NUP85: variants seen among roughly 807,000 people sequenced by gnomAD.
NUP85 encodes the protein nucleoporin 85.
In NUP85, 23 loss-of-function variants were observed where a neutral mutation model predicts 92.8. That is an observed-to-expected ratio of 0.25 (90% confidence interval 0.18 to 0.35). The LOEUF (loss-of-function observed/expected upper bound fraction) is 0.35, where lower values mean the gene tolerates loss of function less well. Among genes scored for constraint, NUP85 ranks in the 10% least tolerant of loss-of-function variants. The pLI, the probability that NUP85 is intolerant of heterozygous loss-of-function variation, is 1.00. For missense variants in NUP85, 759 were observed against 822.8 expected (o/e 0.92, Z 0.95); for synonymous variants, 314 against 306.9 (o/e 1.02, Z -0.24).
At chr17:75,224,405 T>C (rs1383700730) in intron 7 of NUP85, among the ~76,000 whole-genome samples, 1 of 152,162 alleles carries the variant, frequency 6.6e-6, no homozygotes, top group African/African-American at 2.4e-5. Flanking sequence ...TTTTGTTTCT[T>C]GGCCAGGAAT....
chr17:75,234,560 C>T, intron 16 of NUP85, 77 bp from the exon 17 acceptor site: 1 of 1,489,788 alleles, frequency 6.7e-7, no homozygotes, highest in South Asian at 1.2e-5. Flanking sequence ...TGTTTAGGGC[C>T]AGGGTGACTT....
At position 75,210,000 on chromosome 17, in the gene NUP85, GT is replaced by G. The variant is rs1414915420; in HGVS notation, c.290+18del. 6 of 1,589,078 alleles carry G rather than the reference GT, an allele frequency of 3.8e-6. No individual in the cohort carries two copies. The highest frequency in any genetic ancestry group is 1.7e-4 in the Middle Eastern group (1 of 5,994). On this transcript the variant is annotated intron_variant, in intron 3 of 18. Transcript: ENST00000245544. ...AGAAAATCTCAGTAAGTTGGTTGCT[GT>G]TTGGTGTTGAAGCCCACACTACACT...
intron 7 of NUP85, among the ~76,000 whole-genome samples, chr17:75,218,712 C>T (rs778686904): frequency 6.9e-6 from 1 of 144,116 alleles, no homozygotes; most frequent in Non-Finnish European, 1.5e-5. Context: ...TGAGATTAGC[C>T]TGGGCAACAA....
At chr17:75,222,802 G>A (rs933774861) in intron 7 of NUP85, among the ~76,000 whole-genome samples, 2 of 151,954 alleles carry the variant, frequency 1.3e-5, no homozygotes, top group East Asian at 1.9e-4. Flanking sequence ...TTGGGAGGCC[G>A]AGGCGGGCGG....
In NUP85 at chr17:75,235,639, C is replaced by T. The variant is rs1310959072; in HGVS notation, c.1931C>T (p.Ala644Val). ...MLRLSLARNL[A>V]RAIIREGSLE... ...AGACTTTCTCTGGCACGAAATCTTG[C>T]TCGGGCAATTATAAGAGAAGGCTCA... Residue 644 changes from alanine to valine, a missense_variant, in exon 19 of 19, where the codon GCT becomes GTT. Transcript: ENST00000245544. 1.2e-6 allele frequency: 2 copies of T among 1,614,112 alleles called. No homozygotes were observed. Among genetic ancestry groups the T allele is most frequent in the East Asian group, 4.5e-5 (2 of 44,890 alleles).
chr17:75,207,254 G>A (rs111741018), intron 1 of NUP85, among the ~76,000 whole-genome samples: 3,756 of 151,536 alleles, frequency 0.025, 145 homozygotes, highest in African/African-American at 0.086. Flanking sequence ...TGCGGTCTCG[G>A]CTCTCTGCAA....
At chr17:75,228,576 G>T (rs1245749195) in intron 11 of NUP85, 1 of 985,326 alleles carries the variant, frequency 1.0e-6, no homozygotes, top group African/African-American at 1.7e-5. Flanking sequence ...GGGTCTTGTG[G>T]GCACTTGTTT....
intron 16 of NUP85, among the ~76,000 whole-genome samples, chr17:75,233,437 C>CTTTTTTTTTTTTTTTTTTTTTTTTTTTTT (rs60396796): frequency 8.5e-6 from 1 of 117,186 alleles, no homozygotes; most frequent in African/African-American, 3.5e-5. Context: ...TTTATTTTTT[C>CTTTTTTTTTTTTTTTTTTTTTTTTTTTTT]TTTTTTTTTT....
chr17:75,217,256 C>T (rs1424404285), intron 6 of NUP85, among the ~76,000 whole-genome samples: 2 of 151,792 alleles, frequency 1.3e-5, no homozygotes, highest in African/African-American at 4.8e-5. Flanking sequence ...GAGGAAATTT[C>T]GCTATGTTGC....
intron 4 of NUP85, among the ~76,000 whole-genome samples, chr17:75,212,487 TTTTTTTTTTGAGACAAGGTTGCCCAGGC>T (rs1253957198): frequency 6.9e-6 from 1 of 144,120 alleles, no homozygotes; most frequent in Non-Finnish European, 1.5e-5. Flanking sequence ...TTTTTTTTTT[TTTTTTTTTTGAGACAAGGTTGCCCAGGC>T]TGGAGTGCAA....
chr17:75,228,428 C>G, intron 11 of NUP85: 1 of 985,434 alleles, frequency 1.0e-6, no homozygotes, highest in Non-Finnish European at 1.2e-6. Flanking sequence ...GATCACGAGG[C>G]TACCTCCTAT....
chr17:75,232,713 C>T (rs549183933), intron 14 of NUP85, 138 bp from the exon 15 acceptor site: 31 of 770,412 alleles, frequency 4.0e-5, no homozygotes, highest in East Asian at 2.5e-4. Flanking sequence ...CCAGCTCTGC[C>T]GATCCAGCTG....
Position 75,226,038 on chromosome 17 carries a change from C to G in NUP85, c.988-13C>G. On this transcript the variant is annotated splice_polypyrimidine_tract_variant and intron_variant, in intron 10 of 18. Transcript: ENST00000245544. ...CCGTCCTCAGGATTGAGTGTCTCAT[C>G]ACCTTTCCACAGTCCAGCCTGGACC... 6.2e-7 allele frequency: 1 copy of G among 1,613,706 alleles called. No homozygotes were observed. The highest frequency in any genetic ancestry group is 8.5e-7 in the Non-Finnish European group (1 of 1,179,682).
intron 3 of NUP85, among the ~76,000 whole-genome samples, chr17:75,211,395 G>T (rs953191736): frequency 4.7e-5 from 7 of 149,574 alleles, no homozygotes; most frequent in Non-Finnish European, 7.4e-5. Flanking sequence ...CAAAAGTCCT[G>T]TAATTCCTTG....
At chr17:75,232,772 C>A in intron 14 of NUP85, 79 bp from the exon 15 acceptor site, 1 of 1,298,388 alleles carries the variant, frequency 7.7e-7, no homozygotes, top group African/African-American at 1.5e-5. Context: ...GCTGTGAGGC[C>A]ACTCCGGTCC....
Position 75,235,634 on chromosome 17 carries a change from T to C in NUP85, c.1926T>C (p.Asn642=). Residue 642 remains asparagine (N), a synonymous_variant, in exon 19 of 19, where the codon AAT becomes AAC. Coordinates refer to ENST00000245544, the MANE Select transcript of NUP85 (RefSeq NM_024844.5). The stretch of plus-strand genomic sequence containing the variant: ...TGCTGAGACTTTCTCTGGCACGAAA[T>C]CTTGCTCGGGCAATTATAAGAGAAG... ...VEMLRLSLAR[N]LARAIIREGS... is the part of the protein sequence containing the mutation. 1 of 1,614,174 alleles carries C rather than the reference T, an allele frequency of 6.2e-7. No homozygotes were observed. Among genetic ancestry groups the C allele is most frequent in the Non-Finnish European group, 8.5e-7 (1 of 1,179,984 alleles).
At chr17:75,206,503 G>T (rs1165360764) in intron 1 of NUP85, among the ~76,000 whole-genome samples, 1 of 151,966 alleles carries the variant, frequency 6.6e-6, no homozygotes, top group East Asian at 1.9e-4. Flanking sequence ...ATGGTTTTGG[G>T]AACATCACTA....
At chr17:75,226,210 C>G (rs1234562993) in intron 11 of NUP85, 53 bp downstream of exon 11, 4 of 1,473,170 alleles carry the variant, frequency 2.7e-6, no homozygotes, top group Non-Finnish European at 3.8e-6. Context: ...ACAAATATCA[C>G]CACCTTGCGT....
In NUP85 at chr17:75,211,939, T is replaced by G. The variant is rs770526283; in HGVS notation, c.291-53T>G. 1.1e-4 allele frequency: 147 copies of G among 1,362,466 alleles called. 1 individual carries two copies. The highest frequency in any genetic ancestry group is 9.2e-4 in the Admixed American group (50 of 54,212). 84.4% of individuals were successfully genotyped at this position (1,362,466 alleles called of 1,614,324 possible). A position where few individuals can be genotyped will look rare whatever the true frequency, so the allele number is the denominator to read the frequency against. ...TTTATTTGAGTGTTTCCTTCCTTTGTGGCACTACAAGATGTTCCAGGCTCA... is the reference window on the plus strand; with the variant it reads ...TTTATTTGAGTGTTTCCTTCCTTTGGGGCACTACAAGATGTTCCAGGCTCA... On this transcript the variant is annotated intron_variant, in intron 3 of 18. Transcript: ENST00000245544.
Sources: allele counts gnomAD v4.1 joint callset (sites outside exome capture counted in the v4.1 genomes callset), GRCh38; gene constraint gnomAD v4.1.1; transcripts MANE v1.5; gene names NCBI Gene and HGNC (gene_info 2026-07-23, HGNC 2026-07-21).